The following CDH13 variants were observed in gnomAD, a reference collection of about 807,000 sequenced individuals.
CDH13 encodes the protein cadherin-13.
Under a neutral mutation model 63.8 loss-of-function variants are expected in CDH13, and 24 were observed. That is an observed-to-expected ratio of 0.38 (90% CI 0.27 to 0.53). CDH13 has a LOEUF of 0.53. CDH13 is among the 20% of genes least tolerant of loss of function. The pLI is 0.85. For synonymous variants in CDH13, 503 were observed against 355.3 expected, an observed-to-expected ratio of 1.42 and a Z score of -4.67; for missense variants, 1,049 against 903.1, an observed-to-expected ratio of 1.16 and a Z score of -2.07.
chr16:83,564,694 C>T (rs886871035), intron 7 of CDH13, among the ~76,000 whole-genome samples: 1 of 152,096 alleles, frequency 6.6e-6, no homozygotes, highest in Admixed American at 6.5e-5. Context: ...TAGGCATGAG[C>T]CATTGCACCC....
chr16:83,481,191 C>T (rs72808336), intron 6 of CDH13, among the ~76,000 whole-genome samples: 31,558 of 152,110 alleles, frequency 0.21, 3,334 homozygotes, highest in Admixed American at 0.26. Context: ...CACACTGTTG[C>T]CCTAACTGTG....
rs2091258231 is a variant in CDH13, at chr16:83,366,398, T to C, written c.781+21392T>C. Among the ~76,000 whole-genome samples, 2 of 152,210 alleles carry C rather than the reference T, an allele frequency of 1.3e-5. 1 individual carries two copies. The highest frequency in any genetic ancestry group is 4.1e-4 in the South Asian group (2 of 4,824). On this transcript the variant is annotated intron_variant, in intron 6 of 13. Transcript: ENST00000567109. ...ACCACGAACCGTCTTTTGAGGAGGT[T>C]GCGCTGACTGCATTAAGGAGCTTTA...
intron 2 of CDH13, among the ~76,000 whole-genome samples, chr16:83,019,836 T>TAAAAAAAAAAAA (rs562381483): frequency 9.9e-6 from 1 of 100,822 alleles, no homozygotes; most frequent in African/African-American, 3.7e-5. Flanking sequence ...GAGTACACTC[T>TAAAAAAAAAAAA]AAAAAAAAAA....
chr16:83,735,435 C>G (rs549618073), intron 10 of CDH13: 37 of 152,182 alleles, frequency 2.4e-4, no homozygotes, highest in African/African-American at 8.7e-4. Flanking sequence ...TCTTGTATTG[C>G]TTTACTTGTA....
At chr16:83,019,802 C>A (rs1200256949) in intron 2 of CDH13, among the ~76,000 whole-genome samples, 11 of 143,546 alleles carry the variant, frequency 7.7e-5, no homozygotes, top group African/African-American at 2.9e-4. Context: ...GGCCAGTAAA[C>A]CTTTTCTTAA....
intron 3 of CDH13, among the ~76,000 whole-genome samples, chr16:83,101,930 T>A (rs1433310844): frequency 6.6e-6 from 1 of 152,242 alleles, no homozygotes; most frequent in Non-Finnish European, 1.5e-5. Flanking sequence ...TTCTACTCCT[T>A]GGAACCTGTG....
rs375685590 is a variant in CDH13, at chr16:83,493,595, A to G, written c.960+6940A>G. Reference sequence around the variant, plus strand: ...GGAAAGGAGTGGCATGGACAAAGGCATGGCATATTCACATGCTACTTAAAG... The same window carrying G: ...GGAAAGGAGTGGCATGGACAAAGGCGTGGCATATTCACATGCTACTTAAAG... On this transcript the variant is annotated intron_variant, in intron 7 of 13. Coordinates refer to ENST00000567109, the MANE Select transcript of CDH13 (RefSeq NM_001257.5). Among the ~76,000 whole-genome samples, 9 of 152,328 alleles carry G rather than the reference A, an allele frequency of 5.9e-5. No homozygotes were observed. In the East Asian group the frequency reaches 1.5e-3, roughly 26 times the overall value.
At chr16:83,618,006 T>C (rs551102359) in intron 8 of CDH13, among the ~76,000 whole-genome samples, 115 of 152,338 alleles carry the variant, frequency 7.5e-4, no homozygotes, top group African/African-American at 2.7e-3. Flanking sequence ...CTATCTGTTT[T>C]GTCATCTGCT....
intron 2 of CDH13, among the ~76,000 whole-genome samples, chr16:82,913,884 C>G (rs118157183): frequency 2.5e-3 from 388 of 152,198 alleles, no homozygotes; most frequent in Non-Finnish European, 4.2e-3. Context: ...GAGTTTAATC[C>G]TTAAGGAGAC....
intron 6 of CDH13, among the ~76,000 whole-genome samples, chr16:83,426,512 CA>C (rs2071900591): frequency 2.7e-5 from 1 of 37,380 alleles, no homozygotes; most frequent in Non-Finnish European, 5.9e-5. Context: ...GAAACAATCA[CA>C]CACACACACA....
intron 1 of CDH13, among the ~76,000 whole-genome samples, chr16:82,717,528 G>A (rs1366005530): frequency 6.6e-6 from 1 of 151,524 alleles, no homozygotes; most frequent in African/African-American, 2.4e-5. Context: ...CTAGAGGCAA[G>A]TTGTTGGCTA....
At chr16:83,361,654 A>C (rs2091164999) in intron 6 of CDH13, among the ~76,000 whole-genome samples, 1 of 152,182 alleles carries the variant, frequency 6.6e-6, no homozygotes. Flanking sequence ...ATGGCTATCC[A>C]GGTATCCAGA....
At chr16:83,405,831 G>A (rs11866309) in intron 6 of CDH13, among the ~76,000 whole-genome samples, 10 of 152,018 alleles carry the variant, frequency 6.6e-5, no homozygotes, top group Non-Finnish European at 1.0e-4. Context: ...TTGGTATCAC[G>A]TTGCATTCCT....
intron 4 of CDH13, among the ~76,000 whole-genome samples, chr16:83,211,973 G>T (rs181270061): frequency 1.8e-4 from 27 of 152,154 alleles, no homozygotes; most frequent in Admixed American, 1.4e-3. Context: ...GGAAGTTCTC[G>T]CTAACTGTGA....
intron 4 of CDH13, among the ~76,000 whole-genome samples, chr16:83,200,946 T>C (rs945712408): frequency 6.7e-6 from 1 of 149,710 alleles, no homozygotes; most frequent in African/African-American, 2.5e-5. Context: ...TGTGTGTGTG[T>C]GTGTGTGTGT....
chr16:82,664,223 G>A (rs772443666), intron 1 of CDH13, among the ~76,000 whole-genome samples: 4 of 152,234 alleles, frequency 2.6e-5, no homozygotes, highest in Non-Finnish European at 5.9e-5. Flanking sequence ...GCAAAGCAAC[G>A]TGCCATTGCC....
At chr16:83,063,819 G>A (rs576442986) in intron 3 of CDH13, among the ~76,000 whole-genome samples, 87 of 152,252 alleles carry the variant, frequency 5.7e-4, no homozygotes, top group Middle Eastern at 3.4e-3. Context: ...TTTGTTCCTT[G>A]TCTCTTCAGT....
intron 6 of CDH13, among the ~76,000 whole-genome samples, chr16:83,455,668 A>T (rs1458283438): frequency 1.3e-5 from 2 of 152,022 alleles, no homozygotes; most frequent in Non-Finnish European, 2.9e-5. Context: ...GAGCTTTGCA[A>T]TTTATCCCTC....
chr16:82,990,970 A>G (rs545739617), intron 2 of CDH13, among the ~76,000 whole-genome samples: 2 of 152,220 alleles, frequency 1.3e-5, no homozygotes, highest in South Asian at 2.1e-4. Context: ...TTTGAGAACA[A>G]TTTTGAAACC....
Sources: gnomAD v4.1 joint callset for allele counts (sites outside exome capture counted in the v4.1 genomes callset) on GRCh38, gnomAD v4.1.1 for gene constraint, MANE v1.5 for transcripts, NCBI Gene and HGNC (gene_info 2026-07-23, HGNC 2026-07-21) for gene names.